The following EXOC2 variants were observed in gnomAD, a reference collection of about 807,000 sequenced individuals.
EXOC2 encodes the protein exocyst complex component 2, also known as SEC5-like 1.
In EXOC2, 70 loss-of-function variants were observed where a neutral mutation model predicts 131.8. The observed-to-expected ratio is 0.53, with a 90% confidence interval of 0.44 to 0.65. EXOC2 has a LOEUF of 0.65. Among genes scored for constraint, EXOC2 ranks in the 30% least tolerant of loss-of-function variants. The pLI is 0.00. For missense variants in EXOC2, 923 were observed against 1,108.6 expected (o/e 0.83, Z 2.38); for synonymous variants, 411 against 398.4 (o/e 1.03, Z -0.38).
chr6:544,680 T>C (rs984349455), intron 22 of EXOC2, among the ~76,000 whole-genome samples: 1 of 152,168 alleles, frequency 6.6e-6, no homozygotes, highest in African/African-American at 2.4e-5. Flanking sequence ...TTTAGTGATA[T>C]TCAAATAAGC....
rs186176166 is a variant in EXOC2 at position 545,442 on chromosome 6, G to A, written c.2238+3733C>T. ...AAAGAATTTGGTTGGTGGCAAATTT[G>A]GTTTGCACACTTAAATTGCAACTTA... On this transcript the variant is annotated intron_variant, in intron 22 of 27. Transcript: ENST00000230449. 1.1e-4 allele frequency among the ~76,000 whole-genome samples: 16 copies of A among 152,200 alleles called. No homozygotes were observed. The East Asian group carries it at 2.9e-3, about 28-fold the overall frequency.
chr6:554,012 T>A (rs1314678684), intron 20 of EXOC2, 92 bp from the exon 21 acceptor site: 1 of 983,244 alleles, frequency 1.0e-6, no homozygotes, highest in Non-Finnish European at 1.6e-6. Flanking sequence ...GTGCAATGAA[T>A]TATATGGAAA....
intron 23 of EXOC2, among the ~76,000 whole-genome samples, chr6:503,187 A>G (rs1289770805): frequency 6.7e-6 from 1 of 150,182 alleles, no homozygotes; most frequent in Non-Finnish European, 1.5e-5. Flanking sequence ...TTTATTACCG[A>G]TTGGGCTGAA....
At chr6:551,761 G>C (rs1219443738) in intron 21 of EXOC2, among the ~76,000 whole-genome samples, 1 of 152,190 alleles carries the variant, frequency 6.6e-6, no homozygotes, top group Non-Finnish European at 1.5e-5. Context: ...AAGCCCCTCA[G>C]CCCTTGGGGC....
intron 23 of EXOC2, among the ~76,000 whole-genome samples, chr6:514,096 G>A (rs139985651): frequency 8.2e-4 from 125 of 152,306 alleles, no homozygotes; most frequent in African/African-American, 2.9e-3. Flanking sequence ...ACAGTGTTTC[G>A]TCTGGACTTC....
chr6:512,383 C>T (rs1764900870), intron 23 of EXOC2, among the ~76,000 whole-genome samples: 1 of 152,234 alleles, frequency 6.6e-6, no homozygotes, highest in African/African-American at 2.4e-5. Flanking sequence ...TATGATGATC[C>T]ACTTCCACTT....
At chr6:487,352 G>A (rs1218335441) in intron 27 of EXOC2, among the ~76,000 whole-genome samples, 1 of 152,132 alleles carries the variant, frequency 6.6e-6, no homozygotes, top group African/African-American at 2.4e-5. Flanking sequence ...TAGGCAAATC[G>A]CTTTGCTGCC....
intron 23 of EXOC2, among the ~76,000 whole-genome samples, chr6:526,525 C>G (rs1765758863): frequency 6.8e-6 from 1 of 147,806 alleles, no homozygotes; most frequent in Admixed American, 7.0e-5. Flanking sequence ...ACGGCAACCT[C>G]TGCCTCCTGG....
chr6:686,254 G>A (rs1037564694), intron 1 of EXOC2, among the ~76,000 whole-genome samples: 6 of 150,592 alleles, frequency 4.0e-5, no homozygotes, highest in South Asian at 4.2e-4. Context: ...GAGCCGCCGC[G>A]CCCGGCCTCC....
At chr6:689,992 G>A (rs1299993400) in intron 1 of EXOC2, among the ~76,000 whole-genome samples, 1 of 152,232 alleles carries the variant, frequency 6.6e-6, no homozygotes, top group Non-Finnish European at 1.5e-5. Flanking sequence ...AAGCAGACCA[G>A]ATTAGACCAA....
chr6:625,482 C>T (rs1561940692), intron 4 of EXOC2, among the ~76,000 whole-genome samples: 1 of 148,878 alleles, frequency 6.7e-6, no homozygotes, highest in African/African-American at 2.5e-5. Context: ...ATTGTTTACA[C>T]TCTGTTGTAT....
At chr6:525,570 C>T (rs1285397421) in intron 23 of EXOC2, 2 of 152,186 alleles carry the variant, frequency 1.3e-5, no homozygotes, top group South Asian at 4.1e-4. Context: ...CAAGTTAGTA[C>T]TGCATGTGCC....
chr6:529,322 G>A (rs534612155), intron 23 of EXOC2, among the ~76,000 whole-genome samples: 18 of 152,326 alleles, frequency 1.2e-4, no homozygotes, highest in African/African-American at 3.8e-4. Flanking sequence ...AGACATTCTC[G>A]ACTGCCCCTG....
At position 674,339 on chromosome 6, in the gene EXOC2, T is replaced by C. The variant is rs189524179; in HGVS notation, c.-44+18680A>G. Among the ~76,000 whole-genome samples the C allele has an allele frequency of 2.5e-4, 37 of 148,182 alleles. 1 individual carries two copies. In the East Asian group the frequency reaches 6.6e-3, roughly 26 times the overall value. ...AATAAAGACAGAATTTGTTTAGCCT[T>C]GGAAGTGACTTATTTATTTACTCTT... is the stretch of plus-strand genomic sequence containing the variant. On this transcript the variant is annotated intron_variant, in intron 1 of 27. Coordinates refer to ENST00000230449, the MANE Select transcript of EXOC2 (RefSeq NM_018303.6).
chr6:581,971 A>G (rs1250655764), intron 11 of EXOC2, among the ~76,000 whole-genome samples: 2 of 152,236 alleles, frequency 1.3e-5, no homozygotes, highest in African/African-American at 4.8e-5. Context: ...CAAGAGAAAA[A>G]CAGTTGGAAA....
chr6:516,027 G>A (rs1765144956), intron 23 of EXOC2, among the ~76,000 whole-genome samples: 1 of 152,172 alleles, frequency 6.6e-6, no homozygotes, highest in Admixed American at 6.5e-5. Flanking sequence ...CTACTGTGAG[G>A]CATGTTATAA....
chr6:499,015 T>C (rs766978661), intron 24 of EXOC2, among the ~76,000 whole-genome samples: 3 of 152,168 alleles, frequency 2.0e-5, no homozygotes, highest in Admixed American at 6.5e-5. Context: ...TCAATGTTCC[T>C]CAGAAGAGTC....
chr6:599,002 A>G, intron 8 of EXOC2, 61 bp from the exon 9 acceptor site: 1 of 1,564,602 alleles, frequency 6.4e-7, no homozygotes, highest in Non-Finnish European at 8.7e-7. Flanking sequence ...CATTTGGTTA[A>G]TATAAAAAAC....
At chr6:592,863 TA>T (rs1002001699) in intron 10 of EXOC2, among the ~76,000 whole-genome samples, 4 of 150,474 alleles carry the variant, frequency 2.7e-5, no homozygotes, top group Non-Finnish European at 3.0e-5. Flanking sequence ...CCGTCGCTAC[TA>T]AAAAAAAATA....
Sources: gnomAD v4.1 joint callset for allele counts (sites outside exome capture counted in the v4.1 genomes callset) on GRCh38, gnomAD v4.1.1 for gene constraint, MANE v1.5 for transcripts, NCBI Gene and HGNC (gene_info 2026-07-23, HGNC 2026-07-21) for gene names.